Variants in VWA8 observed in about 807,000 individuals in gnomAD.
VWA8 encodes von Willebrand factor A domain-containing protein 8.
In VWA8, 221 loss-of-function variants were observed where a neutral mutation model predicts 241.5. The observed-to-expected ratio is 0.91, with a 90% CI of 0.82 to 1.02. VWA8 has a LOEUF of 1.02. Ranked by LOEUF, VWA8 falls within the 50% of genes least tolerant of loss-of-function variation. VWA8 has a pLI of 0.00. For missense variants in VWA8, 2,322 were observed against 2,328.7 expected (o/e 1.00, Z 0.06); for synonymous variants, 852 against 827.1 (o/e 1.03, Z -0.52).
At chr13:41,569,465 G>GTAAC (rs915706374) in intron 44 of VWA8, among the ~76,000 whole-genome samples, 1 of 152,202 alleles carries the variant, frequency 6.6e-6, no homozygotes, top group Non-Finnish European at 1.5e-5. Context: ...TAAAATGACT[G>GTAAC]TAACTACATG....
At chr13:41,744,880 C>T (rs1304044388) in intron 21 of VWA8, among the ~76,000 whole-genome samples, 1 of 151,972 alleles carries the variant, frequency 6.6e-6, no homozygotes, top group Non-Finnish European at 1.5e-5. Context: ...CTCTGTCACC[C>T]AGGCTGGAGT....
chr13:41,587,411 G>A (rs1355093561), intron 42 of VWA8, 101 bp downstream of exon 42: 6 of 1,474,960 alleles, frequency 4.1e-6, no homozygotes, highest in Non-Finnish European at 5.6e-6. Flanking sequence ...ATGAGCTGGT[G>A]AGAGGATGAA....
intron 9 of VWA8, among the ~76,000 whole-genome samples, chr13:41,869,774 T>C (rs1310474074): frequency 6.6e-6 from 1 of 151,706 alleles, no homozygotes; most frequent in Non-Finnish European, 1.5e-5. Context: ...CAGGTAAGTA[T>C]GTGAAAGATG....
intron 3 of VWA8, 68 bp downstream of exon 3, chr13:41,911,970 T>C: frequency 1.5e-6 from 2 of 1,363,180 alleles, no homozygotes; most frequent in Non-Finnish European, 1.9e-6. Flanking sequence ...TATAAATTCT[T>C]AATCTTATTT....
At chr13:41,733,755 C>A (rs2045503802) in intron 21 of VWA8, among the ~76,000 whole-genome samples, 1 of 152,188 alleles carries the variant, frequency 6.6e-6, no homozygotes, top group Non-Finnish European at 1.5e-5. Flanking sequence ...TATCTTCCCA[C>A]ACAGACTGTA....
intron 12 of VWA8, among the ~76,000 whole-genome samples, chr13:41,839,890 T>A (rs1871916544): frequency 6.6e-6 from 1 of 152,224 alleles, no homozygotes; most frequent in Admixed American, 6.5e-5. Flanking sequence ...TAAAGTAGTT[T>A]TTTCTAATTC....
intron 18 of VWA8, among the ~76,000 whole-genome samples, chr13:41,786,396 T>TCATAA (rs1397827072): frequency 1.3e-5 from 2 of 152,114 alleles, no homozygotes; most frequent in Admixed American, 6.6e-5. Flanking sequence ...AATGAATTCT[T>TCATAA]CATAAGAGAG....
chr13:41,619,682 A>G (rs1227842376), intron 37 of VWA8, among the ~76,000 whole-genome samples: 2 of 151,968 alleles, frequency 1.3e-5, no homozygotes, highest in South Asian at 2.1e-4. Flanking sequence ...AGCATGAAGG[A>G]GTGTTGAATT....
At chr13:41,857,625 A>T (rs1872809400) in intron 12 of VWA8, among the ~76,000 whole-genome samples, 3 of 152,180 alleles carry the variant, frequency 2.0e-5, no homozygotes, top group Non-Finnish European at 4.4e-5. Flanking sequence ...ATTATGGCAA[A>T]TAATATTACA....
Position 41,925,929 on chromosome 13 carries a change from T to C in VWA8, c.242-13761A>G. On this transcript the variant is annotated intron_variant, in intron 2 of 44. Coordinates refer to ENST00000379310, the MANE Select transcript of VWA8 (RefSeq NM_015058.2). ...CTCATTCAATGACTTCATCCAAGAA[T>C]ATAGTCACCAGCAGCCTGGGGGTCA... 4 of 378,190 alleles carry C rather than the reference T, an allele frequency of 1.1e-5. No homozygotes were observed. In the South Asian group the frequency reaches 1.2e-4, roughly 12 times the overall value. 23.4% of individuals were successfully genotyped at this position (378,190 alleles called of 1,614,324 possible). A position where few individuals can be genotyped will look rare whatever the true frequency, so the allele number is the denominator to read the frequency against.
chr13:41,658,199 C>G (rs1424219702), intron 37 of VWA8, among the ~76,000 whole-genome samples: 1 of 152,186 alleles, frequency 6.6e-6, no homozygotes, highest in African/African-American at 2.4e-5. Context: ...TCACTTGCAC[C>G]TGTAGTTCCA....
chr13:41,863,314 T>C (rs1873095159), intron 12 of VWA8, among the ~76,000 whole-genome samples: 1 of 150,386 alleles, frequency 6.6e-6, no homozygotes. Context: ...GACAGCCTAT[T>C]GTGGGACCTT....
chr13:41,590,434 T>C (rs1343026900), intron 41 of VWA8, among the ~76,000 whole-genome samples: 1 of 152,166 alleles, frequency 6.6e-6, no homozygotes, highest in Non-Finnish European at 1.5e-5. Context: ...CTTATGTTTC[T>C]TGCTGGGACC....
At chr13:41,635,319 C>A (rs2044749945) in intron 37 of VWA8, among the ~76,000 whole-genome samples, 1 of 151,712 alleles carries the variant, frequency 6.6e-6, no homozygotes, top group Non-Finnish European at 1.5e-5. Flanking sequence ...AAAAATAATG[C>A]CTAAAATGGA....
intron 40 of VWA8, among the ~76,000 whole-genome samples, chr13:41,604,848 T>G (rs1400430875): frequency 6.6e-6 from 1 of 152,192 alleles, no homozygotes; most frequent in Non-Finnish European, 1.5e-5. Flanking sequence ...TAGGAAATAC[T>G]GAAGTGTCTT....
At chr13:41,816,582 G>T in intron 16 of VWA8, 116 bp downstream of exon 16, 1 of 950,992 alleles carries the variant, frequency 1.1e-6, no homozygotes, top group Non-Finnish European at 1.6e-6. Context: ...TAGCATAAGG[G>T]ATTCCAAAAA....
intron 9 of VWA8, among the ~76,000 whole-genome samples, chr13:41,876,525 A>G (rs1873905432): frequency 6.6e-6 from 1 of 152,108 alleles, no homozygotes; most frequent in African/African-American, 2.4e-5. Context: ...AATTTATTCA[A>G]ATGTCATCTT....
intron 39 of VWA8, among the ~76,000 whole-genome samples, chr13:41,606,897 T>C (rs1463606886): frequency 6.6e-6 from 1 of 152,164 alleles, no homozygotes; most frequent in Non-Finnish European, 1.5e-5. Flanking sequence ...AAGCTGGCCA[T>C]TCCCTTTTCA....
chr13:41,880,303 C>G (rs546343347), intron 9 of VWA8, among the ~76,000 whole-genome samples: 11 of 152,280 alleles, frequency 7.2e-5, no homozygotes, highest in African/African-American at 2.6e-4. Context: ...CTCCCCCTGC[C>G]TATTTTATCA....
Sources: gnomAD v4.1 joint callset for allele counts (sites outside exome capture counted in the v4.1 genomes callset) on GRCh38, gnomAD v4.1.1 for gene constraint, MANE v1.5 for transcripts, NCBI Gene and HGNC (gene_info 2026-07-23, HGNC 2026-07-21) for gene names.